Variants in VPS28 observed in about 807,000 individuals in gnomAD.
VPS28 encodes VPS28 subunit of ESCRT-I, also known as vacuolar protein sorting-associated protein 28 homolog.
In VPS28, 29 loss-of-function variants were observed where a neutral mutation model predicts 33.7. That is an observed-to-expected ratio of 0.86 (90% confidence interval 0.64 to 1.17). The LOEUF is 1.17. Among genes scored for constraint, VPS28 ranks in the 50% most tolerant of loss-of-function variants. The pLI, the probability that VPS28 is intolerant of heterozygous loss-of-function variation, is 0.00. For synonymous variants in VPS28, 164 were observed against 116.7 expected (o/e 1.40, Z -2.61); for missense variants, 247 against 312.2 (o/e 0.79, Z 1.57).
At position 144,424,577 on chromosome 8, in the gene VPS28, A is replaced by G. The variant is rs565906190; in HGVS notation, c.402+141T>C. 38 of 969,730 alleles carry G rather than the reference A, an allele frequency of 3.9e-5. No homozygotes were observed. The South Asian group carries it at 5.8e-4, about 15-fold the overall frequency. The allele number at this position is 969,730 out of a possible 1,614,324, so 60.1% of individuals were successfully genotyped here. A position where few individuals can be genotyped will look rare whatever the true frequency, so the allele number is the denominator to read the frequency against. ...CGTCCCCGCATGCTGCCCACCCCTCATTCCTAGTTAAAGGGGTTCCCTTCT... is the reference window on the plus strand; with the variant it reads ...CGTCCCCGCATGCTGCCCACCCCTCGTTCCTAGTTAAAGGGGTTCCCTTCT... On this transcript the variant is annotated intron_variant, in intron 7 of 9. Coordinates refer to ENST00000292510, the MANE Select transcript of VPS28 (RefSeq NM_016208.4).
At chr8:144,425,189 G>A (rs782121998) in intron 5 of VPS28, 138 bp from the exon 6 acceptor site, 24 of 728,514 alleles carry the variant, frequency 3.3e-5, no homozygotes, top group Middle Eastern at 3.7e-4. Flanking sequence ...AAGGAGGAGG[G>A]GCTGCTAGTA....
At chr8:144,425,880 G>T in intron 4 of VPS28, 108 bp from the exon 5 acceptor site, 1 of 1,546,792 alleles carries the variant, frequency 6.5e-7, no homozygotes. Context: ...CCCACCTCTT[G>T]CTCCATCCTG....
chr8:144,424,880 C>A, intron 6 of VPS28, 61 bp from the exon 7 acceptor site: 1 of 1,609,474 alleles, frequency 6.2e-7, no homozygotes, highest in Non-Finnish European at 8.5e-7. Flanking sequence ...TGGCCAGAGC[C>A]CTCTGGCACC....
At position 144,423,705 on chromosome 8, in the gene VPS28, CAGTG is replaced by C; in HGVS notation, c.*96_*99del. 2.1e-6 allele frequency: 3 copies of C among 1,457,060 alleles called. No homozygotes were observed. The highest frequency in any genetic ancestry group is 2.8e-6 in the Non-Finnish European group (3 of 1,055,370). 90.3% of individuals were successfully genotyped at this position (1,457,060 alleles called of 1,614,324 possible). A position where few individuals can be genotyped will look rare whatever the true frequency, so the allele number is the denominator to read the frequency against. On this transcript the variant is annotated 3_prime_UTR_variant, in exon 10 of 10. Coordinates refer to ENST00000292510, the MANE Select transcript of VPS28 (RefSeq NM_016208.4). The stretch of plus-strand genomic sequence containing the variant: ...CAGACACCAGACAGGCAGCTGCAGA[CAGTG>C]AGTTGTGTGGATGACCACGGCCTGT...
chr8:144,426,682 G>A lies in VPS28; in HGVS notation c.37+227C>T, dbSNP rs553521339. The A allele has an allele frequency of 1.1e-5, 6 of 550,934 alleles. No individual in the cohort carries two copies. The East Asian group carries it at 1.6e-4, about 15-fold the overall frequency. 34.1% of individuals were successfully genotyped at this position (550,934 alleles called of 1,614,324 possible). ...GGGTGCCCAGGACCCCCACCGTTCT[G>A]GCCACACCGAAGCTCATCATCTCTG... On this transcript the variant is annotated intron_variant, in intron 2 of 9. Transcript: ENST00000292510.
chr8:144,426,925 G>A lies in VPS28; in HGVS notation c.21C>T (p.Ala7=), dbSNP rs1822800079. 2 of 1,612,598 alleles carry A rather than the reference G, an allele frequency of 1.2e-6. No homozygotes were observed. The highest frequency in any genetic ancestry group is 1.3e-5 in the African/African-American group (1 of 74,900). ...CACACTCACCTCCTATGCCCGGCGT[G>A]GCTGGGATCCCATGAAACATCCTCT... MFHGIP[A]TPGIGAPGNK... is the part of the protein sequence containing the mutation. The change falls in exon 2 of 10, where the codon GCC becomes GCT. Residue 7 remains alanine (A), a synonymous_variant. Coordinates refer to ENST00000292510, the MANE Select transcript of VPS28 (RefSeq NM_016208.4).
At chr8:144,426,256 A>C in intron 2 of VPS28, 48 bp from the exon 3 acceptor site, 1 of 1,550,260 alleles carries the variant, frequency 6.5e-7, no homozygotes, top group East Asian at 2.3e-5. Context: ...AAGGGAACCC[A>C]AGGGCAGACT....
chr8:144,425,585 TG>T, intron 5 of VPS28, 97 bp downstream of exon 5: 1 of 1,317,490 alleles, frequency 7.6e-7, no homozygotes, highest in Non-Finnish European at 1.1e-6. Context: ...CCCACACAAG[TG>T]GGTGCCTCCC....
intron 7 of VPS28, 79 bp from the exon 8 acceptor site, chr8:144,424,347 T>C: frequency 6.6e-7 from 1 of 1,506,160 alleles, no homozygotes. Flanking sequence ...CAACCCCTCC[T>C]CAGCCACAGC....
chr8:144,425,795 G>A, intron 4 of VPS28, 23 bp from the exon 5 acceptor site: 2 of 1,613,458 alleles, frequency 1.2e-6, no homozygotes, highest in Non-Finnish European at 8.5e-7. Context: ...CTGTCTATCG[G>A]GCCAGGCCCC....
chr8:144,426,051 A>G lies in VPS28; in HGVS notation c.79T>C (p.Tyr27His). ...TTCTCCCTCTCCCGGGCGTTCTTGT[A>G]CAACTTCACTTCCTGCCGGAGAGAG... ...KPELYEEVKL[Y>H]KNAREREKYD... is the part of the protein sequence containing the mutation. The change falls in exon 4 of 10, where the codon TAC (tyrosine) becomes CAC (histidine). Residue 27 changes from tyrosine to histidine, a missense_variant. By Grantham distance (83) the Tyr-to-His change is moderately conservative. This residue lies in a region of VPS28 where 149 missense variants were observed against 172.8 expected (regional missense o/e 0.86). Transcript: ENST00000292510. The G allele has an allele frequency of 1.3e-6, 2 of 1,539,074 alleles. No homozygotes were observed. Among genetic ancestry groups the G allele is most frequent in the Non-Finnish European group, 1.8e-6 (2 of 1,137,130 alleles).
chr8:144,423,824 T>C lies in VPS28; in HGVS notation c.647A>G (p.Asn216Ser), dbSNP rs781809209. 4.3e-6 allele frequency: 7 copies of C among 1,612,962 alleles called. No homozygotes were observed. In the Admixed American group the frequency reaches 5.0e-5, roughly 12 times the overall value. The change falls in exon 10 of 10, where the codon AAC becomes AGC. Residue 216 changes from asparagine (N) to serine (S), a missense_variant. By Grantham distance (46) the Asn-to-Ser change is conservative (BLOSUM62 1). Transcript: ENST00000292510. ...CCGGGCTCAGGCATGCAGGAAGCGG[T>C]TGAAGGCGTTGTAGGCTGACTCCAG... ...FDLESAYNAFNRFLHA is the reference protein window; with the variant it reads ...FDLESAYNAFSRFLHA
intron 8 of VPS28, 33 bp from the exon 9 acceptor site, chr8:144,424,165 C>T (rs1554876015): frequency 6.4e-7 from 1 of 1,555,214 alleles, no homozygotes; most frequent in Non-Finnish European, 8.7e-7. Context: ...GACCCCGACG[C>T]CGGCTCCATC....
rs1378342216 is a variant in VPS28 at position 144,425,032 on chromosome 8, G to T, written c.214C>A (p.Arg72=). The T allele has an allele frequency of 6.4e-7, 1 of 1,552,144 alleles. No individual in the cohort carries two copies. Among genetic ancestry groups the T allele is most frequent in the African/African-American group, 1.4e-5 (1 of 73,136 alleles). Residue 72 remains arginine, a synonymous_variant, in exon 6 of 10, where the codon CGG becomes AGG. Transcript: ENST00000292510. ...GCAGCTTTGTATTGGACCAGGAGCC[G>T]GGAGCAGGCTGCAGTGTACCTAGGG... is the stretch of plus-strand genomic sequence containing the variant. The part of the protein sequence containing the change: ...SPSEYTAACS[R]LLVQYKAAFR...
chr8:144,424,005 A>G (rs782384715), intron 9 of VPS28, 36 bp downstream of exon 9: 1 of 1,603,250 alleles, frequency 6.2e-7, no homozygotes, highest in East Asian at 2.2e-5. Context: ...GGTCTCGGGC[A>G]CTGCGGGGCT....
chr8:144,424,895 A>T, intron 6 of VPS28, 51 bp downstream of exon 6: 1 of 1,610,028 alleles, frequency 6.2e-7, no homozygotes. Context: ...GGCACCCCAT[A>T]CCCATGCCCG....
In VPS28 at chr8:144,424,823, T is replaced by C; in HGVS notation, c.301-4A>G. The C allele has an allele frequency of 6.2e-7, 1 of 1,613,848 alleles. No homozygotes were observed. The highest frequency in any genetic ancestry group is 8.5e-7 in the Non-Finnish European group (1 of 1,179,954). On this transcript the variant is annotated splice_region_variant and splice_polypyrimidine_tract_variant and intron_variant, in intron 6 of 9. Transcript: ENST00000292510. The stretch of plus-strand genomic sequence containing the variant: ...CCATGGCCAGCGGGCAGTCCAGCTG[T>C]TGGGGGTGACATGGGTGCTGGGGCT...
chr8:144,428,285 G>A (rs537904323), intron 1 of VPS28, among the ~76,000 whole-genome samples: 2 of 152,380 alleles, frequency 1.3e-5, no homozygotes, highest in South Asian at 2.1e-4. Context: ...CGGACGTTCT[G>A]CGGCCACAAG....
At chr8:144,428,161 A>G (rs920549410) in intron 1 of VPS28, among the ~76,000 whole-genome samples, 8 of 152,118 alleles carry the variant, frequency 5.3e-5, no homozygotes, top group Non-Finnish European at 1.0e-4. Context: ...GGCCATTGCG[A>G]GCCGCGGGGT....
Sources: allele counts gnomAD v4.1 joint callset (sites outside exome capture counted in the v4.1 genomes callset), GRCh38; gene constraint gnomAD v4.1.1; regional missense constraint gnomAD v4.1.1; transcripts MANE v1.5; gene names NCBI Gene and HGNC (gene_info 2026-07-23, HGNC 2026-07-21).